Variants in FGD4 observed in about 807,000 individuals in gnomAD.
FGD4 encodes FYVE, RhoGEF and PH domain-containing protein 4.
In FGD4, 42 loss-of-function variants were observed where a neutral mutation model predicts 102.0. That is an observed-to-expected ratio of 0.41 (90% confidence interval 0.32 to 0.53). The LOEUF (loss-of-function observed/expected upper bound fraction) is 0.53. Among genes scored for constraint, FGD4 ranks in the 20% least tolerant of loss-of-function variants. FGD4 has a pLI of 0.21. For synonymous variants in FGD4, 380 were observed against 375.7 expected (o/e 1.01, Z -0.13); for missense variants, 902 against 1,078.2 (o/e 0.84, Z 2.29).
chr12:32,538,978 C>T (rs142523062), intron 1 of FGD4, among the ~76,000 whole-genome samples: 2 of 151,976 alleles, frequency 1.3e-5, no homozygotes, highest in African/African-American at 2.4e-5. Flanking sequence ...TGCTTGAACC[C>T]AGGAGGTGGA....
chr12:32,539,139 T>TC (rs1250274878), intron 1 of FGD4, among the ~76,000 whole-genome samples: 1 of 152,226 alleles, frequency 6.6e-6, no homozygotes, highest in African/African-American at 2.4e-5. Flanking sequence ...TTTTGTTTTT[T>TC]CTCTTCCTAC....
chr12:32,450,109 T>A (rs1050990518), intron 1 of FGD4, among the ~76,000 whole-genome samples: 1 of 152,060 alleles, frequency 6.6e-6, no homozygotes, highest in African/African-American at 2.4e-5. Context: ...ATTTTTGTAT[T>A]TTTAGTAGTG....
chr12:32,462,821 C>T (rs1026862699), intron 1 of FGD4, among the ~76,000 whole-genome samples: 2 of 152,168 alleles, frequency 1.3e-5, no homozygotes, highest in Admixed American at 6.5e-5. Flanking sequence ...TTCATCAGCT[C>T]ACCCCACATT....
In FGD4 at chr12:32,645,732, G is replaced by C. The variant is rs1385321574; in HGVS notation, c.*5199G>C. Reference sequence around the variant, plus strand: ...GCCGAGATTGCACCACTGCACTCCGGCCTGGGTGACAGAGCAAGACTTCGA... The same window carrying C: ...GCCGAGATTGCACCACTGCACTCCGCCCTGGGTGACAGAGCAAGACTTCGA... On this transcript the variant is annotated 3_prime_UTR_variant, in exon 17 of 17. Transcript: ENST00000534526. The C allele has an allele frequency of 6.6e-6, 1 of 152,212 alleles. No homozygotes were observed. The highest frequency in any genetic ancestry group is 1.5e-5 in the Non-Finnish European group (1 of 68,048). The allele number at this position is 152,212 out of a possible 1,614,324, so 9.4% of individuals were successfully genotyped here.
intron 1 of FGD4, among the ~76,000 whole-genome samples, chr12:32,464,679 A>G (rs1943204166): frequency 6.6e-6 from 1 of 152,222 alleles, no homozygotes; most frequent in Non-Finnish European, 1.5e-5. Context: ...ATCTTGTCTG[A>G]AGATAGATGC....
chr12:32,582,770 C>T (rs1946718213), intron 4 of FGD4: 1 of 382,592 alleles, frequency 2.6e-6, no homozygotes, highest in Non-Finnish European at 4.8e-6. Flanking sequence ...GAAAATGTTC[C>T]TTGTTGCTCT....
At chr12:32,565,283 A>G (rs1443080435) in intron 2 of FGD4, among the ~76,000 whole-genome samples, 1 of 152,192 alleles carries the variant, frequency 6.6e-6, no homozygotes, top group Non-Finnish European at 1.5e-5. Context: ...TCTTGTTCTC[A>G]CTACAATTAT....
Position 32,644,555 on chromosome 12 carries a change from T to C in FGD4, c.*4022T>C, listed in dbSNP as rs1407076823. 1 of 152,108 alleles carries C rather than the reference T, an allele frequency of 6.6e-6. No homozygotes were observed. Among genetic ancestry groups the C allele is most frequent in the Non-Finnish European group, 1.5e-5 (1 of 68,004 alleles). The allele number at this position is 152,108 out of a possible 1,614,324, so 9.4% of individuals were successfully genotyped here. On this transcript the variant is annotated 3_prime_UTR_variant, in exon 17 of 17. Coordinates refer to ENST00000534526, the MANE Select transcript of FGD4 (RefSeq NM_001370298.3). Reference sequence around the variant, plus strand: ...ATTCATCCTTATATATACCCCTTAATCACGTAGTCATGAGAAGATAACTTT... The same window carrying C: ...ATTCATCCTTATATATACCCCTTAACCACGTAGTCATGAGAAGATAACTTT...
intron 4 of FGD4, among the ~76,000 whole-genome samples, chr12:32,591,638 A>G (rs1294796007): frequency 6.6e-6 from 1 of 152,224 alleles, no homozygotes; most frequent in East Asian, 1.9e-4. Context: ...TATCCAGTTA[A>G]TGAACTCTGT....
intron 10 of FGD4, 31 bp downstream of exon 10, chr12:32,611,314 A>G: frequency 6.2e-7 from 1 of 1,613,068 alleles, no homozygotes; most frequent in Non-Finnish European, 8.5e-7. Flanking sequence ...AAGTCATATA[A>G]GAATTATATA....
In FGD4 at chr12:32,468,537, C is replaced by T. The variant is rs527698034; in HGVS notation, c.166+68578C>T. Among the ~76,000 whole-genome samples, 18 of 152,140 alleles carry T rather than the reference C, an allele frequency of 1.2e-4. No individual in the cohort carries two copies. In the East Asian group the frequency reaches 2.1e-3, roughly 18 times the overall value. On this transcript the variant is annotated intron_variant, in intron 1 of 16. Transcript: ENST00000534526. ...TCTAAGAAGGATCTGTGTGCCTTTA[C>T]GTTAATATTTTTTCTGATTATAAAA...
intron 1 of FGD4, among the ~76,000 whole-genome samples, chr12:32,508,680 T>C (rs1352190801): frequency 6.6e-6 from 1 of 152,170 alleles, no homozygotes; most frequent in African/African-American, 2.4e-5. Context: ...GCATGAGATA[T>C]AATAATTACT....
At chr12:32,536,385 G>T (rs986412295) in intron 1 of FGD4, among the ~76,000 whole-genome samples, 4 of 152,198 alleles carry the variant, frequency 2.6e-5, no homozygotes, top group Non-Finnish European at 5.9e-5. Flanking sequence ...CCAGGGAAAA[G>T]TTGAAGTCAT....
chr12:32,488,528 A>AC (rs1340211073), intron 1 of FGD4, among the ~76,000 whole-genome samples: 2 of 148,686 alleles, frequency 1.3e-5, no homozygotes, highest in Non-Finnish European at 3.0e-5. Flanking sequence ...TTTTTTATTG[A>AC]CCCATTATTT....
chr12:32,496,926 A>G (rs187741797), intron 1 of FGD4, among the ~76,000 whole-genome samples: 6 of 152,354 alleles, frequency 3.9e-5, no homozygotes, highest in Admixed American at 1.3e-4. Flanking sequence ...CAAACAATCT[A>G]ATGATGTGAA....
intron 1 of FGD4, among the ~76,000 whole-genome samples, chr12:32,434,134 A>G (rs528328040): frequency 7.9e-5 from 12 of 152,300 alleles, no homozygotes; most frequent in Non-Finnish European, 1.5e-4. Context: ...GATTACAGGC[A>G]TGAACCACTG....
intron 1 of FGD4, among the ~76,000 whole-genome samples, chr12:32,494,362 A>G (rs1477221646): frequency 1.3e-5 from 2 of 152,170 alleles, no homozygotes; most frequent in African/African-American, 4.8e-5. Context: ...CAGCTGTTCA[A>G]TGGACCAATT....
intron 1 of FGD4, among the ~76,000 whole-genome samples, chr12:32,465,266 T>A (rs1185677754): frequency 2.0e-5 from 3 of 151,080 alleles, no homozygotes; most frequent in Non-Finnish European, 4.4e-5. Context: ...TTTGTATGTT[T>A]TATATATATA....
chr12:32,599,534 CTTTTTTTT>C (rs764106230), intron 5 of FGD4, among the ~76,000 whole-genome samples: 6 of 35,356 alleles, frequency 1.7e-4, no homozygotes, highest in Admixed American at 6.4e-4. Flanking sequence ...ACTAAGGCAT[CTTTTTTTT>C]TTTTTTTTTT....
Sources: gnomAD v4.1 joint callset for allele counts (sites outside exome capture counted in the v4.1 genomes callset) on GRCh38, gnomAD v4.1.1 for gene constraint, MANE v1.5 for transcripts, NCBI Gene and HGNC (gene_info 2026-07-23, HGNC 2026-07-21) for gene names.